SV2B: variants seen among roughly 807,000 people sequenced by gnomAD.
SV2B encodes synaptic vesicle glycoprotein 2B.
In SV2B, 41 loss-of-function variants were observed where a neutral mutation model predicts 73.9. The observed-to-expected ratio is 0.56, with a 90% CI of 0.43 to 0.72. The LOEUF (loss-of-function observed/expected upper bound fraction) is 0.72. Among genes scored for constraint, SV2B ranks in the 30% least tolerant of loss-of-function variants. The pLI is 0.00. For missense variants in SV2B, 764 were observed against 857.8 expected (o/e 0.89, Z 1.37); for synonymous variants, 314 against 314.2 (o/e 1.00, Z 0.01).
chr15:91,178,813 A>G (rs1378409833), intron 1 of SV2B, among the ~76,000 whole-genome samples: 2 of 145,200 alleles, frequency 1.4e-5, no homozygotes, highest in Admixed American at 7.0e-5. Flanking sequence ...CTAGCAGTCT[A>G]TCAATTTTGT....
At chr15:91,104,795 G>T (rs1188199709) in intron 1 of SV2B, among the ~76,000 whole-genome samples, 1 of 152,156 alleles carries the variant, frequency 6.6e-6, no homozygotes, top group Non-Finnish European at 1.5e-5. Context: ...ACCATGCCCG[G>T]CTAATTTTGT....
chr15:91,101,243 G>C (rs1193317448), intron 1 of SV2B, among the ~76,000 whole-genome samples: 1 of 152,074 alleles, frequency 6.6e-6, no homozygotes, highest in East Asian at 1.9e-4. Context: ...CAGGTGAGGG[G>C]TAAGGAGGGT....
intron 1 of SV2B, among the ~76,000 whole-genome samples, chr15:91,189,418 G>T (rs1188688397): frequency 1.3e-5 from 2 of 151,894 alleles, no homozygotes; most frequent in African/African-American, 4.8e-5. Flanking sequence ...CCGTGGTTTT[G>T]TTTTGTTTCT....
rs988311803 is a variant in SV2B at position 91,298,890 on chromosome 15, T to G, written c.*6338T>G. The G allele has an allele frequency of 1.4e-4, 22 of 152,196 alleles. No individual in the cohort carries two copies. Among genetic ancestry groups the G allele is most frequent in the Admixed American group, 2.0e-4 (3 of 15,284 alleles). The allele number at this position is 152,196 out of a possible 1,614,324, so 9.4% of individuals were successfully genotyped here. ...CCATTTAAAAATGGTGGCCCTGTCC[T>G]CCACTTCTTACCTACCATATATAAT... On this transcript the variant is annotated 3_prime_UTR_variant, in exon 13 of 13. Transcript: ENST00000394232. This position sits in a 1 kb window ranked among gnomAD's most constrained non-coding sequence, Gnocchi z 5.4.
chr15:91,238,168 T>C (rs1420072488), intron 2 of SV2B, among the ~76,000 whole-genome samples: 7 of 152,240 alleles, frequency 4.6e-5, no homozygotes, highest in Non-Finnish European at 1.0e-4. Flanking sequence ...CTGTCTTATA[T>C]AACCTGTTCC....
intron 1 of SV2B, among the ~76,000 whole-genome samples, chr15:91,200,865 C>T (rs940400488): frequency 6.6e-6 from 1 of 152,088 alleles, no homozygotes; most frequent in Non-Finnish European, 1.5e-5. Flanking sequence ...GAGCCATGAT[C>T]GTGCCTCTGC....
At position 91,220,491 on chromosome 15, in the gene SV2B, T is replaced by C. The variant is rs1201510604; in HGVS notation, c.-391-5382T>C. On this transcript the variant is annotated intron_variant, in intron 1 of 12. Coordinates refer to ENST00000394232, the MANE Select transcript of SV2B (RefSeq NM_001323032.3). The surrounding 1 kb of genome is among the most constrained non-coding windows in gnomAD (Gnocchi z 4.1). Reference sequence around the variant, plus strand: ...AAGGAGAATATTAAAAGCCTAATGCTCTACAGAACAGATTTTGGGAAGCAT... The same window carrying C: ...AAGGAGAATATTAAAAGCCTAATGCCCTACAGAACAGATTTTGGGAAGCAT... 6.6e-6 allele frequency among the ~76,000 whole-genome samples: 1 copy of C among 152,264 alleles called. No homozygotes were observed. Among genetic ancestry groups the C allele is most frequent in the Non-Finnish European group, 1.5e-5 (1 of 68,046 alleles).
Position 91,231,545 on chromosome 15 carries a change from C to T in SV2B, c.451+4831C>T, listed in dbSNP as rs1267493886. On this transcript the variant is annotated intron_variant, in intron 2 of 12. Transcript: ENST00000394232. The surrounding 1 kb of genome is among the most constrained non-coding windows in gnomAD (Gnocchi z 4.5). ...AAAACTGCAATTACTTTTGCACCAACCTATAGGATGACAATATTGGCGACA... is the reference window on the plus strand; with the variant it reads ...AAAACTGCAATTACTTTTGCACCAATCTATAGGATGACAATATTGGCGACA... Among the ~76,000 whole-genome samples, 2 of 152,310 alleles carry T rather than the reference C, an allele frequency of 1.3e-5. No individual in the cohort carries two copies. The highest frequency in any genetic ancestry group is 4.1e-4 in the South Asian group (2 of 4,828).
intron 1 of SV2B, among the ~76,000 whole-genome samples, chr15:91,164,282 G>T (rs887045416): frequency 1.3e-5 from 2 of 152,108 alleles, no homozygotes; most frequent in African/African-American, 4.8e-5. Context: ...AAAAGAGCCC[G>T]CATTGCCAAG....
upstream of SV2B, among the ~76,000 whole-genome samples, chr15:91,099,614 A>T (rs573675131): frequency 6.6e-6 from 1 of 152,188 alleles, no homozygotes; most frequent in East Asian, 1.9e-4. Flanking sequence ...GGTGGTTTGG[A>T]AGGAGGGAGA....
intron 1 of SV2B, among the ~76,000 whole-genome samples, chr15:91,117,179 A>G (rs975127882): frequency 6.6e-6 from 1 of 152,182 alleles, no homozygotes; most frequent in African/African-American, 2.4e-5. Flanking sequence ...TGGCAAGAGT[A>G]TCGGTCTGGA....
intron 1 of SV2B, among the ~76,000 whole-genome samples, chr15:91,153,916 T>C (rs545822648): frequency 6.6e-6 from 1 of 152,184 alleles, no homozygotes; most frequent in East Asian, 1.9e-4. Flanking sequence ...CTGAGGTTTC[T>C]CTAGTCTCCT....
chr15:91,279,327 A>G lies in SV2B; in HGVS notation c.1374-2401A>G, dbSNP rs559306455. 2.6e-5 allele frequency among the ~76,000 whole-genome samples: 4 copies of G among 152,380 alleles called. No individual in the cohort carries two copies. The South Asian group carries it at 6.2e-4, about 24-fold the overall frequency. ...TGGTGTAGCTTAAATCACTTGCTGGACTAACCATTGGGCCTGAAGGCAACT... is the reference window on the plus strand; with the variant it reads ...TGGTGTAGCTTAAATCACTTGCTGGGCTAACCATTGGGCCTGAAGGCAACT... On this transcript the variant is annotated intron_variant, in intron 9 of 12. Coordinates refer to ENST00000394232, the MANE Select transcript of SV2B (RefSeq NM_001323032.3).
intron 6 of SV2B, among the ~76,000 whole-genome samples, chr15:91,264,306 A>C (rs924205440): frequency 6.6e-6 from 1 of 152,278 alleles, no homozygotes; most frequent in Non-Finnish European, 1.5e-5. Context: ...AAACTCTGGC[A>C]CATTAAAATT....
At chr15:91,101,521 TA>T (rs1462230619) in intron 1 of SV2B, among the ~76,000 whole-genome samples, 2 of 151,960 alleles carry the variant, frequency 1.3e-5, no homozygotes, top group African/African-American at 4.8e-5. Context: ...TCACACCTGG[TA>T]GGGGGAGAAG....
rs187544363 is a variant in SV2B, at chr15:91,290,616, A to G, written c.1868+936A>G. 2.0e-5 allele frequency among the ~76,000 whole-genome samples: 3 copies of G among 152,334 alleles called. No individual in the cohort carries two copies. The East Asian group carries it at 5.8e-4, about 29-fold the overall frequency. ...ATATATCGAAAAAGTTAAAGATGCAATTGATATCCATTTAATAATGGCAGA... is the reference window on the plus strand; with the variant it reads ...ATATATCGAAAAAGTTAAAGATGCAGTTGATATCCATTTAATAATGGCAGA... On this transcript the variant is annotated intron_variant, in intron 12 of 12. Transcript: ENST00000394232. This position sits in a 1 kb window ranked among gnomAD's most constrained non-coding sequence, Gnocchi z 4.7.
At chr15:91,127,471 G>T (rs965560482) in intron 1 of SV2B, among the ~76,000 whole-genome samples, 1 of 152,046 alleles carries the variant, frequency 6.6e-6, no homozygotes, top group Non-Finnish European at 1.5e-5. Context: ...CGCACTGACG[G>T]CACTGTCCGG....
In SV2B at chr15:91,258,923, C is replaced by CAAAA. The variant is rs3082222; in HGVS notation, c.918+385_918+388dup. On this transcript the variant is annotated intron_variant, in intron 5 of 12. Coordinates refer to ENST00000394232, the MANE Select transcript of SV2B (RefSeq NM_001323032.3). The surrounding 1 kb of genome is among the most constrained non-coding windows in gnomAD (Gnocchi z 4.7). ...GCTACACAGGGAGACCTCATCTCTACAAAAAAAAAAAAAAAAAAATTAGTT... is the reference window on the plus strand; with the variant it reads ...GCTACACAGGGAGACCTCATCTCTACAAAAAAAAAAAAAAAAAAAAAAATTAGTT... 1.1e-5 allele frequency among the ~76,000 whole-genome samples: 1 copy of CAAAA among 89,202 alleles called. No homozygotes were observed. The highest frequency in any genetic ancestry group is 2.5e-5 in the Non-Finnish European group (1 of 40,804). 58.5% of individuals were successfully genotyped at this position (89,202 alleles called of 152,430 possible). A position where few individuals can be genotyped will look rare whatever the true frequency, so the allele number is the denominator to read the frequency against.
chr15:91,181,295 C>G (rs1826271810), intron 1 of SV2B, among the ~76,000 whole-genome samples: 1 of 141,658 alleles, frequency 7.1e-6, no homozygotes, highest in African/African-American at 2.6e-5. Context: ...AGGTGTCAGT[C>G]TGCCCCTACT....
Sources: gnomAD v4.1 joint callset for allele counts (sites outside exome capture counted in the v4.1 genomes callset) on GRCh38, gnomAD v4.1.1 for gene constraint, Gnocchi (gnomAD v3.1) non-coding constraint, MANE v1.5 for transcripts, NCBI Gene and HGNC (gene_info 2026-07-23, HGNC 2026-07-21) for gene names.